POFUT3: variants seen among roughly 807,000 people sequenced by gnomAD.
POFUT3 encodes GDP-fucose protein O-fucosyltransferase 3.
the POFUT3 span, among the ~76,000 whole-genome samples, chr8:33,379,180 G>T: frequency 1.3e-5 from 2 of 151,672 alleles, no homozygotes; most frequent in African/African-American, 4.8e-5. Context: ...GACCTCCCTC[G>T]CCATGCAGAA....
the POFUT3 span, among the ~76,000 whole-genome samples, chr8:33,358,294 A>G: frequency 2.0e-5 from 3 of 152,172 alleles, no homozygotes; most frequent in African/African-American, 7.2e-5. Context: ...GATATTCTGT[A>G]AGATAAATGT....
chr8:33,419,641 C>A, the POFUT3 span, among the ~76,000 whole-genome samples: 1 of 152,124 alleles, frequency 6.6e-6, no homozygotes, highest in Non-Finnish European at 1.5e-5. Context: ...GATCATTATA[C>A]ATTCTATGCA....
At chr8:33,444,615 T>G in the POFUT3 span, among the ~76,000 whole-genome samples, 1 of 152,000 alleles carries the variant, frequency 6.6e-6, no homozygotes, top group African/African-American at 2.4e-5. Flanking sequence ...GTCAGGAGTT[T>G]GAGACCAGCC....
the POFUT3 span, chr8:33,436,385 G>C: frequency 7.2e-7 from 1 of 1,398,352 alleles, no homozygotes; most frequent in Non-Finnish European, 1.0e-6. Context: ...CACATTCAAC[G>C]ACCGTCTGGA....
chr8:33,462,786 C>T, the POFUT3 span, among the ~76,000 whole-genome samples: 2 of 152,028 alleles, frequency 1.3e-5, no homozygotes, highest in African/African-American at 4.8e-5. Flanking sequence ...TACAAATTAG[C>T]TGGGCATGGG....
At chr8:33,422,345 C>A in the POFUT3 span, among the ~76,000 whole-genome samples, 1 of 151,714 alleles carries the variant, frequency 6.6e-6, no homozygotes, top group Non-Finnish European at 1.5e-5. Context: ...GAGTTCAAGA[C>A]CAGCCTAGCC....
At chr8:33,416,409 C>T in the POFUT3 span, among the ~76,000 whole-genome samples, 1 of 152,096 alleles carries the variant, frequency 6.6e-6, no homozygotes, top group Non-Finnish European at 1.5e-5. Flanking sequence ...TCAAGACCAG[C>T]CTGGCCAAAA....
At chr8:33,371,065 TG>T in the POFUT3 span, 3 of 152,114 alleles carry the variant, frequency 2.0e-5, no homozygotes, top group African/African-American at 7.2e-5. Context: ...TAAATGTTGA[TG>T]AACAATGAAG....
the POFUT3 span, among the ~76,000 whole-genome samples, chr8:33,403,816 A>G: frequency 6.6e-6 from 1 of 152,130 alleles, no homozygotes; most frequent in East Asian, 1.9e-4. Context: ...AAAACACCCT[A>G]TCCTGTAGAG....
the POFUT3 span, among the ~76,000 whole-genome samples, chr8:33,450,509 T>C: frequency 6.6e-6 from 1 of 152,210 alleles, no homozygotes. Flanking sequence ...ATATGAACAA[T>C]GGTGCTAAGT....
At chr8:33,409,089 T>C in the POFUT3 span, among the ~76,000 whole-genome samples, 2 of 152,114 alleles carry the variant, frequency 1.3e-5, no homozygotes, top group African/African-American at 2.4e-5. Flanking sequence ...AGATCTATGG[T>C]CATTTTCTTT....
chr8:33,320,830 A>C, the POFUT3 span, among the ~76,000 whole-genome samples: 1 of 152,098 alleles, frequency 6.6e-6, no homozygotes. Flanking sequence ...CAGGAGGCTC[A>C]GACAAAAGCT....
the POFUT3 span, among the ~76,000 whole-genome samples, chr8:33,411,543 C>A: frequency 6.6e-6 from 1 of 152,144 alleles, no homozygotes; most frequent in Non-Finnish European, 1.5e-5. Flanking sequence ...AATCCCAGCA[C>A]TTTGGGAGGC....
chr8:33,464,024 G>A, the POFUT3 span, among the ~76,000 whole-genome samples: 1 of 152,008 alleles, frequency 6.6e-6, no homozygotes, highest in Non-Finnish European at 1.5e-5. Context: ...TCCCCAGCTG[G>A]CTTAACCTCA....
At chr8:33,367,089 A>G in the POFUT3 span, among the ~76,000 whole-genome samples, 1 of 152,152 alleles carries the variant, frequency 6.6e-6, no homozygotes, top group Non-Finnish European at 1.5e-5. Flanking sequence ...ACCAAAAAAT[A>G]AAAATAAATA....
the POFUT3 span, among the ~76,000 whole-genome samples, chr8:33,438,048 A>G: frequency 6.6e-6 from 1 of 152,200 alleles, no homozygotes; most frequent in Non-Finnish European, 1.5e-5. Flanking sequence ...TTACATGCCT[A>G]TGGAAGCAAA....
the POFUT3 span, among the ~76,000 whole-genome samples, chr8:33,402,196 G>A: frequency 6.6e-6 from 1 of 152,160 alleles, no homozygotes; most frequent in Non-Finnish European, 1.5e-5. Context: ...ACATTTTACA[G>A]AAGTCAATAG....
At chr8:33,406,605 AT>A in the POFUT3 span, among the ~76,000 whole-genome samples, 15 of 149,160 alleles carry the variant, frequency 1.0e-4, no homozygotes, top group Non-Finnish European at 1.5e-4. Flanking sequence ...CTAATTTTTA[AT>A]TTTTTTTTTA....
At chr8:33,406,822 G>A in the POFUT3 span, among the ~76,000 whole-genome samples, 146 of 152,098 alleles carry the variant, frequency 9.6e-4, 2 homozygotes, top group South Asian at 0.029. Context: ...ATCTCAGCTC[G>A]CCAAAGTGAT....
Sources: gnomAD v4.1 joint callset for allele counts (sites outside exome capture counted in the v4.1 genomes callset) on GRCh38, gnomAD v4.1.1 for gene constraint, MANE v1.5 for transcripts, NCBI Gene and HGNC (gene_info 2026-07-23, HGNC 2026-07-21) for gene names.